The following CNTNAP2 variants were observed in gnomAD, a reference collection of about 807,000 sequenced individuals.
CNTNAP2 encodes contactin associated protein 2, also known as contactin-associated protein-like 2.
Under a neutral mutation model 155.2 loss-of-function variants are expected in CNTNAP2, and 98 were observed. The observed-to-expected ratio is 0.63, with a 90% CI of 0.54 to 0.75. The LOEUF is 0.75. CNTNAP2 is among the 30% of genes least tolerant of loss of function. CNTNAP2 has a pLI of 0.00. For missense variants in CNTNAP2, 1,727 were observed against 1,688.1 expected (o/e 1.02, Z -0.40); for synonymous variants, 651 against 631.2 (o/e 1.03, Z -0.47).
At chr7:147,463,120 G>T (rs139358438) in intron 10 of CNTNAP2, among the ~76,000 whole-genome samples, 40 of 152,234 alleles carry the variant, frequency 2.6e-4, no homozygotes, top group African/African-American at 9.4e-4. Context: ...TTTGTGCCCT[G>T]GGTCCTCTAT....
At chr7:146,683,221 T>C (rs933959102) in intron 1 of CNTNAP2, among the ~76,000 whole-genome samples, 1 of 151,998 alleles carries the variant, frequency 6.6e-6, no homozygotes, top group East Asian at 1.9e-4. Context: ...TTAATACAGA[T>C]GGGGTTACAC....
chr7:147,787,181 A>G (rs1797754604), intron 13 of CNTNAP2, among the ~76,000 whole-genome samples: 1 of 152,204 alleles, frequency 6.6e-6, no homozygotes, highest in African/African-American at 2.4e-5. Context: ...CACCATGAAA[A>G]TGGGATTGCA....
In CNTNAP2 at chr7:146,130,148, A is replaced by G. The variant is rs117585761; in HGVS notation, c.97+13175A>G. On this transcript the variant is annotated intron_variant, in intron 1 of 23. Transcript: ENST00000361727. Reference sequence around the variant, plus strand: ...AATTGTCTATCAGCAAATAGAAAAGAAATTTTCACTGGTTAGAAATATAGG... The same window carrying G: ...AATTGTCTATCAGCAAATAGAAAAGGAATTTTCACTGGTTAGAAATATAGG... 4.5e-3 allele frequency among the ~76,000 whole-genome samples: 689 copies of G among 152,336 alleles called. 5 individuals carry two copies. The highest frequency in any genetic ancestry group is 0.01 in the Middle Eastern group (3 of 294).
intron 10 of CNTNAP2, among the ~76,000 whole-genome samples, chr7:147,401,921 A>G (rs1023723676): frequency 6.6e-6 from 1 of 150,932 alleles, no homozygotes; most frequent in African/African-American, 2.4e-5. Context: ...GCAGTTCGTT[A>G]TAGCAACGTG....
At chr7:146,152,978 G>T (rs1371653455) in intron 1 of CNTNAP2, among the ~76,000 whole-genome samples, 8 of 152,072 alleles carry the variant, frequency 5.3e-5, no homozygotes, top group Non-Finnish European at 1.2e-4. Flanking sequence ...GATCAAAATA[G>T]AAATACTTCA....
At chr7:146,483,725 G>A (rs1797014273) in intron 1 of CNTNAP2, among the ~76,000 whole-genome samples, 1 of 151,898 alleles carries the variant, frequency 6.6e-6, no homozygotes, top group Non-Finnish European at 1.5e-5. Flanking sequence ...TTATAAAATA[G>A]GGATATAAAG....
chr7:147,176,213 A>G (rs1326812038), intron 8 of CNTNAP2, among the ~76,000 whole-genome samples: 1 of 152,238 alleles, frequency 6.6e-6, no homozygotes, highest in East Asian at 1.9e-4. Flanking sequence ...GACATAATTG[A>G]ATAGGAATTG....
At chr7:146,780,631 A>G (rs1446093213) in intron 2 of CNTNAP2, among the ~76,000 whole-genome samples, 2 of 152,084 alleles carry the variant, frequency 1.3e-5, no homozygotes, top group Non-Finnish European at 2.9e-5. Context: ...CCAAATGGCC[A>G]CCAATGATGG....
chr7:147,679,631 GA>G (rs1795918243), intron 13 of CNTNAP2, among the ~76,000 whole-genome samples: 1 of 151,816 alleles, frequency 6.6e-6, no homozygotes, highest in East Asian at 1.9e-4. Context: ...TGAGTCTAAT[GA>G]ACCAATAAAA....
chr7:146,265,197 T>C (rs2129082359), intron 1 of CNTNAP2, among the ~76,000 whole-genome samples: 1 of 152,286 alleles, frequency 6.6e-6, no homozygotes, highest in East Asian at 1.9e-4. Flanking sequence ...TCATACATAA[T>C]ACCATTATGA....
chr7:146,837,873 T>C (rs1055489834), intron 2 of CNTNAP2, among the ~76,000 whole-genome samples: 2 of 152,182 alleles, frequency 1.3e-5, no homozygotes, highest in Non-Finnish European at 2.9e-5. Context: ...CTCTCAATTT[T>C]GTCTAGTCTG....
At chr7:147,998,817 G>A (rs1268287158) in intron 15 of CNTNAP2, among the ~76,000 whole-genome samples, 1 of 152,212 alleles carries the variant, frequency 6.6e-6, no homozygotes, top group African/African-American at 2.4e-5. Flanking sequence ...AAGATAGTCT[G>A]TAGACAGTGG....
At position 147,714,462 on chromosome 7, in the gene CNTNAP2, C is replaced by CA. The variant is rs572649994; in HGVS notation, c.2098+75166dup. 4.3e-4 allele frequency among the ~76,000 whole-genome samples: 61 copies of CA among 143,082 alleles called. 1 individual carries two copies. Among genetic ancestry groups the CA allele is most frequent in the South Asian group, 2.0e-3 (9 of 4,488 alleles). 93.9% of individuals were successfully genotyped at this position (143,082 alleles called of 152,430 possible). Reference sequence around the variant, plus strand: ...GTTTGTTTTTGTTTCAGTTTTTGTTCAAAAAAAAAAGACAAGAGGGAGCAA... The same window carrying CA: ...GTTTGTTTTTGTTTCAGTTTTTGTTCAAAAAAAAAAAGACAAGAGGGAGCAA... On this transcript the variant is annotated intron_variant, in intron 13 of 23. Coordinates refer to ENST00000361727, the MANE Select transcript of CNTNAP2 (RefSeq NM_014141.6).
intron 16 of CNTNAP2, among the ~76,000 whole-genome samples, chr7:148,134,355 C>T (rs1804893557): frequency 6.6e-6 from 1 of 152,172 alleles, no homozygotes; most frequent in Admixed American, 6.5e-5. Flanking sequence ...CTGAATTATG[C>T]TCATCCTGCA....
intron 13 of CNTNAP2, among the ~76,000 whole-genome samples, chr7:147,857,776 G>C (rs1185332852): frequency 2.0e-5 from 3 of 152,184 alleles, no homozygotes; most frequent in African/African-American, 7.2e-5. Flanking sequence ...AAGCCAGATA[G>C]AGCACTAGAA....
chr7:148,181,640 A>G (rs1396533495), intron 18 of CNTNAP2, among the ~76,000 whole-genome samples: 1 of 152,068 alleles, frequency 6.6e-6, no homozygotes, highest in East Asian at 1.9e-4. Flanking sequence ...CAGTGCAGAA[A>G]AAGCAAGTCC....
chr7:147,889,511 A>G (rs1379806883), intron 13 of CNTNAP2, among the ~76,000 whole-genome samples: 1 of 152,178 alleles, frequency 6.6e-6, no homozygotes, highest in Non-Finnish European at 1.5e-5. Context: ...AGAAAAAAAA[A>G]TTACAATTCA....
At chr7:147,862,802 T>C (rs1584997480) in intron 13 of CNTNAP2, among the ~76,000 whole-genome samples, 1 of 152,296 alleles carries the variant, frequency 6.6e-6, no homozygotes, top group South Asian at 2.1e-4. Context: ...TGATTGTATA[T>C]GATATAGCTA....
intron 13 of CNTNAP2, among the ~76,000 whole-genome samples, chr7:147,659,295 T>C (rs1466958853): frequency 6.6e-6 from 1 of 152,246 alleles, no homozygotes; most frequent in Non-Finnish European, 1.5e-5. Context: ...TCAAATGGAA[T>C]ATGCAGATGG....
Sources: allele counts gnomAD v4.1 joint callset (sites outside exome capture counted in the v4.1 genomes callset), GRCh38; gene constraint gnomAD v4.1.1; transcripts MANE v1.5; gene names NCBI Gene and HGNC (gene_info 2026-07-23, HGNC 2026-07-21).